Variants in PREX1 observed in about 807,000 individuals in gnomAD.
PREX1 encodes phosphatidylinositol-3,4,5-trisphosphate dependent Rac exchange factor 1.
PREX1 carries 41 observed loss-of-function variants against 198.3 expected under a neutral mutation model. That is an observed-to-expected ratio of 0.21 (90% CI 0.16 to 0.27). The LOEUF is 0.27. Among genes scored for constraint, PREX1 ranks in the 10% least tolerant of loss-of-function variants. PREX1 has a pLI of 1.00. For missense variants in PREX1, 1,620 were observed against 2,200.7 expected (o/e 0.74, Z 5.28); for synonymous variants, 843 against 887.2 (o/e 0.95, Z 0.89).
At chr20:48,843,319 A>G in the PREX1 span, among the ~76,000 whole-genome samples, 3 of 152,150 alleles carry the variant, frequency 2.0e-5, no homozygotes, top group African/African-American at 7.2e-5. Flanking sequence ...GCTGTCTCTG[A>G]TTGGTCAGGA....
rs2090515784 is a variant in PREX1, at chr20:48,827,659, A to G, written c.202T>C (p.Leu68=). 7.5e-7 allele frequency: 1 copy of G among 1,328,256 alleles called. No individual in the cohort carries two copies. Among genetic ancestry groups the G allele is most frequent in the Non-Finnish European group, 9.7e-7 (1 of 1,026,298 alleles). 82.3% of individuals were successfully genotyped at this position (1,328,256 alleles called of 1,614,324 possible). The change falls in exon 1 of 40, where the codon TTG becomes CTG. Residue 68 remains leucine (L), a synonymous_variant. Coordinates refer to ENST00000371941, the MANE Select transcript of PREX1 (RefSeq NM_020820.4). This position sits in a 1 kb window ranked among gnomAD's most constrained non-coding sequence, Gnocchi z 4.1. ...LGTERDYVGT[L]RFLQSAFLHR... is the part of the protein sequence containing the mutation. ...ACACTCACCGACTGCAAGAAGCGCA[A>G]GGTGCCCACGTAGTCCCTCTCGGTG...
chr20:48,675,507 T>C (rs1469675121), intron 14 of PREX1, among the ~76,000 whole-genome samples: 2 of 152,140 alleles, frequency 1.3e-5, no homozygotes, highest in African/African-American at 4.8e-5. Context: ...CTCAGTAAAA[T>C]GAGCCAGGCA....
chr20:48,753,577 T>C (rs2090143481), intron 1 of PREX1, among the ~76,000 whole-genome samples: 2 of 151,974 alleles, frequency 1.3e-5, no homozygotes, highest in South Asian at 4.1e-4. Flanking sequence ...GGTCAAGAAA[T>C]CCTTGCCTCA....
chr20:48,838,556 A>G, the PREX1 span, among the ~76,000 whole-genome samples: 1 of 152,240 alleles, frequency 6.6e-6, no homozygotes, highest in Non-Finnish European at 1.5e-5. Context: ...GCCATTGAAA[A>G]GTCTGATGTC....
At chr20:48,735,522 C>T (rs2090053496) in intron 3 of PREX1, among the ~76,000 whole-genome samples, 1 of 152,146 alleles carries the variant, frequency 6.6e-6, no homozygotes, top group African/African-American at 2.4e-5. Flanking sequence ...CTGTGTGCAT[C>T]ATCTGAGCAG....
At chr20:48,849,522 T>C in the PREX1 span, 2 of 152,226 alleles carry the variant, frequency 1.3e-5, no homozygotes, top group South Asian at 4.1e-4. Context: ...AGATTCCCAG[T>C]GTCCAGCATA....
chr20:48,737,471 G>A (rs4809722), intron 3 of PREX1, among the ~76,000 whole-genome samples: 11,113 of 152,134 alleles, frequency 0.073, 470 homozygotes, highest in Middle Eastern at 0.14. Context: ...GGGGTCAGCG[G>A]CCACTGGCAG....
intron 16 of PREX1, among the ~76,000 whole-genome samples, chr20:48,658,491 G>A (rs1273429900): frequency 3.9e-5 from 6 of 152,196 alleles, no homozygotes; most frequent in South Asian, 4.1e-4. Flanking sequence ...AGGGAGGAGC[G>A]GTCCCACCCC....
chr20:48,799,569 G>C lies in PREX1; in HGVS notation c.219+28073C>G, dbSNP rs534492498. 2.0e-5 allele frequency among the ~76,000 whole-genome samples: 3 copies of C among 152,362 alleles called. No individual in the cohort carries two copies. The South Asian group carries it at 6.2e-4, about 32-fold the overall frequency. On this transcript the variant is annotated intron_variant, in intron 1 of 39. Coordinates refer to ENST00000371941, the MANE Select transcript of PREX1 (RefSeq NM_020820.4). The stretch of plus-strand genomic sequence containing the variant: ...TTAAGTATTTCAAAAGCCACCCTCT[G>C]GGGCCCCAGTCTTATCCTACATGCA...
chr20:48,760,339 T>C (rs957269841), intron 1 of PREX1, among the ~76,000 whole-genome samples: 2 of 152,022 alleles, frequency 1.3e-5, no homozygotes, highest in Non-Finnish European at 2.9e-5. Flanking sequence ...TGCAAATAGC[T>C]CTATTATTAT....
At chr20:48,756,079 G>A (rs550363178) in intron 1 of PREX1, among the ~76,000 whole-genome samples, 2 of 152,248 alleles carry the variant, frequency 1.3e-5, no homozygotes, top group East Asian at 1.9e-4. Flanking sequence ...ACAGAGCAGC[G>A]GCAAGGCAAA....
At chr20:48,742,878 A>G (rs60028924) in intron 3 of PREX1, among the ~76,000 whole-genome samples, 13,398 of 150,578 alleles carry the variant, frequency 0.089, 653 homozygotes, top group South Asian at 0.19. Context: ...TGGGGCTCAG[A>G]CAGAGAAGCC....
chr20:48,658,852 A>G (rs1402230493), intron 16 of PREX1, among the ~76,000 whole-genome samples: 2 of 152,096 alleles, frequency 1.3e-5, no homozygotes, highest in African/African-American at 4.8e-5. Context: ...AACTTCATAA[A>G]GAGTGGAGGA....
At chr20:48,790,845 A>G (rs959616423) in intron 1 of PREX1, among the ~76,000 whole-genome samples, 4 of 151,904 alleles carry the variant, frequency 2.6e-5, no homozygotes, top group Admixed American at 1.3e-4. Context: ...TGCACTCAAC[A>G]CTTTCCCTGC....
Position 48,636,590 on chromosome 20 carries a change from C to T in PREX1, c.4040G>A (p.Gly1347Asp), listed in dbSNP as rs766297342. Residue 1347 changes from glycine (G) to aspartate (D), a missense_variant, in exon 32 of 40, where the codon GGC becomes GAC. Physicochemically the swap from Gly to Asp is moderately conservative, Grantham distance 94 (BLOSUM62 -1). Coordinates refer to ENST00000371941, the MANE Select transcript of PREX1 (RefSeq NM_020820.4). The stretch of plus-strand genomic sequence containing the variant: ...CTCGCCATTGTTGTTGTAGCGGTAG[C>T]CCAGGGCCGCCAGCAGCTGCTTGGA... ...TFSKQLLAAL[G>D]YRYNNNGEYE... 1 of 1,611,676 alleles carries T rather than the reference C, an allele frequency of 6.2e-7. No individual in the cohort carries two copies. The highest frequency in any genetic ancestry group is 1.1e-5 in the South Asian group (1 of 91,034).
chr20:48,745,011 G>A lies in PREX1; in HGVS notation c.414+14C>T, dbSNP rs1456818001. 6.2e-7 allele frequency: 1 copy of A among 1,613,326 alleles called. No individual in the cohort carries two copies. The highest frequency in any genetic ancestry group is 1.7e-5 in the Admixed American group (1 of 60,000). The stretch of plus-strand genomic sequence containing the variant: ...AAAACTAGAGTCCACCAGGGGCAGT[G>A]GCATGGTACTCACGAATTTTAAGAA... On this transcript the variant is annotated intron_variant, in intron 3 of 39. Transcript: ENST00000371941.
intron 33 of PREX1, among the ~76,000 whole-genome samples, chr20:48,634,231 G>C (rs977576455): frequency 6.6e-6 from 1 of 152,008 alleles, no homozygotes; most frequent in Non-Finnish European, 1.5e-5. Flanking sequence ...TGGAAGGATG[G>C]GTGGAAAATA....
intron 1 of PREX1, among the ~76,000 whole-genome samples, chr20:48,779,550 C>T (rs1041043569): frequency 3.3e-5 from 5 of 152,168 alleles, no homozygotes; most frequent in African/African-American, 7.2e-5. Flanking sequence ...AAAAGCTATA[C>T]ATAAATATTT....
chr20:48,775,838 T>C (rs112722950), intron 1 of PREX1, among the ~76,000 whole-genome samples: 1,836 of 152,286 alleles, frequency 0.012, 32 homozygotes, highest in African/African-American at 0.042. Context: ...GAACTGTAAG[T>C]CCATTAAACC....
Sources: allele counts gnomAD v4.1 joint callset (sites outside exome capture counted in the v4.1 genomes callset), GRCh38; gene constraint gnomAD v4.1.1; non-coding constraint Gnocchi (gnomAD v3.1); transcripts MANE v1.5; gene names NCBI Gene and HGNC (gene_info 2026-07-23, HGNC 2026-07-21).